SEMA3C: variants seen among roughly 807,000 people sequenced by gnomAD.
SEMA3C encodes the protein semaphorin 3C, also known as semaphorin-3C.
SEMA3C carries 47 observed loss-of-function variants against 89.4 expected under a neutral mutation model. That is an observed-to-expected ratio of 0.53 (90% CI 0.42 to 0.67). The LOEUF is 0.67. SEMA3C is among the 30% of genes least tolerant of loss of function. The pLI is 0.00. For missense variants in SEMA3C, 839 were observed against 929.1 expected (o/e 0.90, Z 1.26); for synonymous variants, 310 against 320.2 (o/e 0.97, Z 0.34).
At chr7:80,897,910 T>C (rs1384072217) in intron 2 of SEMA3C, among the ~76,000 whole-genome samples, 2 of 152,240 alleles carry the variant, frequency 1.3e-5, no homozygotes, top group East Asian at 3.8e-4. Flanking sequence ...CTAAATTGTT[T>C]ATAAACTTAA....
intron 15 of SEMA3C, among the ~76,000 whole-genome samples, chr7:80,753,083 T>C (rs1562858742): frequency 6.6e-6 from 1 of 152,196 alleles, no homozygotes; most frequent in Admixed American, 6.5e-5. Flanking sequence ...CAATGGACTG[T>C]AGAAATCTAC....
At chr7:80,906,322 A>G (rs982010661) in intron 2 of SEMA3C, among the ~76,000 whole-genome samples, 1 of 152,234 alleles carries the variant, frequency 6.6e-6, no homozygotes, top group Admixed American at 6.5e-5. Flanking sequence ...TAAAATTTGG[A>G]AACCGAAGAT....
intron 2 of SEMA3C, among the ~76,000 whole-genome samples, chr7:80,838,002 T>C (rs1189295646): frequency 1.3e-5 from 2 of 152,188 alleles, no homozygotes; most frequent in Non-Finnish European, 2.9e-5. Context: ...TACCATTTTT[T>C]TGTTTGCTAT....
chr7:80,745,854 C>T (rs1787788290), intron 17 of SEMA3C, among the ~76,000 whole-genome samples: 1 of 151,882 alleles, frequency 6.6e-6, no homozygotes, highest in Non-Finnish European at 1.5e-5. Flanking sequence ...TATCAAGGGC[C>T]TTTTTCAATT....
intron 17 of SEMA3C, among the ~76,000 whole-genome samples, chr7:80,746,718 G>GGTGTGTGTGTGTGTGTGTGT (rs5885196): frequency 0.04 from 5,728 of 142,920 alleles, 162 homozygotes; most frequent in Middle Eastern, 0.067. Context: ...ATTGAAGTGG[G>GGTGTGTGTGTGTGTGTGTGT]GTGTGTGTGT....
At chr7:80,900,433 G>A (rs891915781) in intron 2 of SEMA3C, among the ~76,000 whole-genome samples, 2 of 152,100 alleles carry the variant, frequency 1.3e-5, no homozygotes, top group African/African-American at 4.8e-5. Context: ...TGTTTTTACT[G>A]TGTGTCACAT....
chr7:80,918,738 A>G (rs1379461841), intron 1 of SEMA3C, 90 bp downstream of exon 1: 20 of 777,898 alleles, frequency 2.6e-5, no homozygotes, highest in Non-Finnish European at 3.1e-5. Context: ...TCCAGGCTTG[A>G]GCATACCAAT....
intron 2 of SEMA3C, chr7:80,905,827 A>C (rs1286465627): frequency 7.8e-7 from 1 of 1,286,006 alleles, no homozygotes. Flanking sequence ...TATGCCACTT[A>C]CTAGAGTAGG....
At chr7:80,826,573 T>C (rs1789877334) in intron 4 of SEMA3C, among the ~76,000 whole-genome samples, 1 of 152,156 alleles carries the variant, frequency 6.6e-6, no homozygotes. Flanking sequence ...GCTAGATATA[T>C]AACAGGTGCT....
intron 2 of SEMA3C, among the ~76,000 whole-genome samples, chr7:80,870,218 C>T (rs1420278012): frequency 6.6e-6 from 1 of 152,174 alleles, no homozygotes; most frequent in African/African-American, 2.4e-5. Flanking sequence ...CTTGCCCCAC[C>T]TGAGTGGGAA....
chr7:80,787,185 A>G (rs1788823451), intron 12 of SEMA3C, among the ~76,000 whole-genome samples: 1 of 152,036 alleles, frequency 6.6e-6, no homozygotes, highest in African/African-American at 2.4e-5. Flanking sequence ...CGTGATCAAG[A>G]GATTGAGACC....
upstream of SEMA3C, among the ~76,000 whole-genome samples, chr7:80,919,624 G>C (rs1213791934): frequency 6.6e-6 from 1 of 150,582 alleles, no homozygotes; most frequent in African/African-American, 2.4e-5. Context: ...TCACTCTGTC[G>C]CCAGGCTGGA....
At chr7:80,774,080 T>A (rs576218325) in intron 12 of SEMA3C, among the ~76,000 whole-genome samples, 1 of 152,276 alleles carries the variant, frequency 6.6e-6, no homozygotes, top group South Asian at 2.1e-4. Flanking sequence ...CCTAATCTGA[T>A]AAGATGTGGA....
chr7:80,898,040 CT>C (rs575646309), intron 2 of SEMA3C, among the ~76,000 whole-genome samples: 1 of 151,992 alleles, frequency 6.6e-6, no homozygotes, highest in Non-Finnish European at 1.5e-5. Flanking sequence ...ATTCCAGATT[CT>C]TTTTTCTAAA....
chr7:80,800,851 A>G, intron 9 of SEMA3C, 25 bp from the exon 10 acceptor site: 1 of 1,426,866 alleles, frequency 7.0e-7, no homozygotes, highest in Non-Finnish European at 9.4e-7. Context: ...ATATTCTTTT[A>G]AAGTTTCTAA....
intron 2 of SEMA3C, among the ~76,000 whole-genome samples, chr7:80,861,439 A>C (rs910465028): frequency 2.6e-5 from 4 of 152,156 alleles, no homozygotes; most frequent in African/African-American, 9.7e-5. Flanking sequence ...TAAATAGTCC[A>C]TAAAATGTCC....
At chr7:80,837,572 G>T (rs925727986) in intron 2 of SEMA3C, among the ~76,000 whole-genome samples, 2 of 152,136 alleles carry the variant, frequency 1.3e-5, no homozygotes. Flanking sequence ...CCTATTCTTT[G>T]TTCTTGCTCT....
chr7:80,894,894 T>C (rs560886225), intron 2 of SEMA3C, among the ~76,000 whole-genome samples: 7 of 152,336 alleles, frequency 4.6e-5, no homozygotes, highest in African/African-American at 1.7e-4. Flanking sequence ...ATCCAAGTTC[T>C]AGTTACGCTG....
At chr7:80,857,882 TATTA>T (rs1294148447) in intron 2 of SEMA3C, among the ~76,000 whole-genome samples, 5 of 152,180 alleles carry the variant, frequency 3.3e-5, no homozygotes, top group Non-Finnish European at 7.4e-5. Context: ...ATGTCATGCT[TATTA>T]ATGTTTTGTT....
Sources: gnomAD v4.1 joint callset for allele counts (sites outside exome capture counted in the v4.1 genomes callset) on GRCh38, gnomAD v4.1.1 for gene constraint, MANE v1.5 for transcripts, NCBI Gene and HGNC (gene_info 2026-07-23, HGNC 2026-07-21) for gene names.